Variants in CEP135 observed in about 807,000 individuals in gnomAD.
CEP135 encodes the protein centrosomal protein 135, also known as centrosomal protein of 135 kDa.
A neutral mutation model predicts 157.3 loss-of-function variants in CEP135; 142 were observed. That is an observed-to-expected ratio of 0.90 (90% CI 0.79 to 1.04). The LOEUF is 1.04. CEP135 is among the 50% of genes least tolerant of loss of function. The pLI is 0.00. For missense variants in CEP135, 1,317 were observed against 1,309.2 expected (o/e 1.01, Z -0.09); for synonymous variants, 396 against 439.8 (o/e 0.90, Z 1.25).
rs995257595 is a variant in CEP135 at position 55,999,614 on chromosome 4, T to C, written c.2249T>C (p.Ile750Thr). Residue 750 changes from isoleucine to threonine, a missense_variant, in exon 17 of 26, where the codon ATT becomes ACT. Physicochemically the swap from Ile to Thr is moderately conservative, Grantham distance 89 (BLOSUM62 -1). Transcript: ENST00000257287. The part of the protein sequence containing the change: ...QETVDEKTEK[I>T]ANLQENLANK... ...ACTGTAGATGAGAAGACAGAAAAGA[T>C]TGCAAATTTGCAAGAAAACCTAGCT... 2 of 1,596,144 alleles carry C rather than the reference T, an allele frequency of 1.3e-6. No individual in the cohort carries two copies. The highest frequency in any genetic ancestry group is 8.5e-7 in the Non-Finnish European group (1 of 1,176,158).
intron 5 of CEP135, among the ~76,000 whole-genome samples, chr4:55,957,727 GATGTGTAACTGGATTTGAA>G (rs1386286194): frequency 1.3e-5 from 2 of 152,182 alleles, no homozygotes; most frequent in African/African-American, 4.8e-5. Flanking sequence ...AATATGAAGA[GATGTGTAACTGGATTTGAA>G]ATTCCTTTTT....
rs1728442397 is a variant in CEP135 at position 55,954,238 on chromosome 4, A to G, written c.327A>G (p.Lys109=). Residue 109 remains lysine (K), a synonymous_variant, in exon 4 of 26, where the codon AAA becomes AAG. Coordinates refer to ENST00000257287, the MANE Select transcript of CEP135 (RefSeq NM_025009.5). The part of the protein sequence containing the change: ...HVKELKTSLK[K]CARETADLKF... ...AAGAGTTGAAAACTTCATTGAAGAA[A>G]TGTGCACGTGAAACAGCTGATCTGA... 1.3e-6 allele frequency: 2 copies of G among 1,596,040 alleles called. No individual in the cohort carries two copies. Among genetic ancestry groups the G allele is most frequent in the Non-Finnish European group, 1.7e-6 (2 of 1,173,564 alleles).
intron 21 of CEP135, among the ~76,000 whole-genome samples, chr4:56,017,086 C>CA (rs1391832943): frequency 1.3e-5 from 2 of 151,910 alleles, no homozygotes; most frequent in African/African-American, 2.4e-5. Context: ...TGAGAAATTT[C>CA]AACTGTGGAT....
intron 14 of CEP135, among the ~76,000 whole-genome samples, chr4:55,985,696 C>T (rs1479599760): frequency 4.6e-5 from 7 of 152,038 alleles, no homozygotes; most frequent in African/African-American, 1.4e-4. Context: ...GACCTGACAT[C>T]GTGATCTGCC....
At chr4:55,964,154 A>ATCTCTTG (rs1728770600) in intron 6 of CEP135, 120 bp from the exon 7 acceptor site, 1 of 876,226 alleles carries the variant, frequency 1.1e-6, no homozygotes, top group Admixed American at 2.8e-5. Flanking sequence ...ACAAATATGA[A>ATCTCTTG]TGTTAATCTC....
Position 55,985,353 on chromosome 4 carries a change from C to T in CEP135, c.1852C>T (p.His618Tyr), listed in dbSNP as rs769458148. The T allele has an allele frequency of 4.4e-6, 7 of 1,574,786 alleles. No individual in the cohort carries two copies. In the Admixed American group the frequency reaches 1.0e-4, roughly 23 times the overall value. The change falls in exon 14 of 26, where the codon CAT (histidine) becomes TAT (tyrosine). Residue 618 changes from histidine (H) to tyrosine (Y), a missense_variant. Physicochemically the swap from His to Tyr is moderately conservative, Grantham distance 83. Coordinates refer to ENST00000257287, the MANE Select transcript of CEP135 (RefSeq NM_025009.5). ...KTIEHLTCVN[H>Y]QLESEKYELK... ...TATTGAACATTTGACATGTGTTAAT[C>T]ATCAGGTAATGTATCAAACTGGATT...
chr4:56,023,231 A>G (rs541872342), intron 24 of CEP135, among the ~76,000 whole-genome samples: 16 of 152,094 alleles, frequency 1.1e-4, no homozygotes, highest in Non-Finnish European at 1.8e-4. Context: ...CAAAAAAAAA[A>G]AGAGAGAATT....
intron 23 of CEP135, among the ~76,000 whole-genome samples, chr4:56,020,352 T>C (rs1255393662): frequency 6.6e-6 from 1 of 152,184 alleles, no homozygotes; most frequent in African/African-American, 2.4e-5. Flanking sequence ...TTTTGAAAGG[T>C]ATTAAAAATA....
chr4:55,991,798 A>G, intron 14 of CEP135, 136 bp from the exon 15 acceptor site: 2 of 566,638 alleles, frequency 3.5e-6, no homozygotes, highest in Non-Finnish European at 5.9e-6. Context: ...TAAACTGTAC[A>G]CATGACTTAT....
intron 24 of CEP135, among the ~76,000 whole-genome samples, chr4:56,021,124 G>C (rs1448165263): frequency 6.6e-6 from 1 of 152,114 alleles, no homozygotes. Flanking sequence ...ATTTCAAAGA[G>C]TATAGAGAAG....
chr4:56,007,368 G>A (rs1455469998), intron 17 of CEP135, among the ~76,000 whole-genome samples: 1 of 152,214 alleles, frequency 6.6e-6, no homozygotes, highest in Non-Finnish European at 1.5e-5. Flanking sequence ...TCTGGGATGG[G>A]GGAGGTCCCA....
intron 3 of CEP135, 45 bp downstream of exon 3, chr4:55,953,320 T>C: frequency 1.5e-6 from 2 of 1,325,406 alleles, no homozygotes; most frequent in Non-Finnish European, 2.0e-6. Flanking sequence ...GTCTTTGTCC[T>C]TTTTATTTTA....
At chr4:56,016,093 C>T (rs1013928468) in intron 21 of CEP135, among the ~76,000 whole-genome samples, 3 of 152,172 alleles carry the variant, frequency 2.0e-5, no homozygotes, top group Admixed American at 6.5e-5. Flanking sequence ...AGATACAGTA[C>T]GTACAGAGAA....
intron 22 of CEP135, among the ~76,000 whole-genome samples, chr4:56,018,446 A>G (rs1730858522): frequency 6.6e-6 from 1 of 152,180 alleles, no homozygotes; most frequent in Non-Finnish European, 1.5e-5. Flanking sequence ...ATCCTAATAC[A>G]TTCTTTCTCT....
Position 56,017,784 on chromosome 4 carries a change from T to G in CEP135, c.2939T>G (p.Leu980Arg). The change falls in exon 22 of 26, where the codon CTT (leucine) becomes CGT (arginine). Residue 980 changes from leucine (L) to arginine (R), a missense_variant. By Grantham distance (102) the Leu-to-Arg change is moderately radical. Coordinates refer to ENST00000257287, the MANE Select transcript of CEP135 (RefSeq NM_025009.5). ...VLNDLSSLRELCIKLDSGKDI... is the reference protein window; with the variant it reads ...VLNDLSSLRERCIKLDSGKDI... The stretch of plus-strand genomic sequence containing the variant: ...AATGACTTGTCATCTCTTAGAGAAC[T>G]TTGCATTAAACTTGATTCAGGCAAA... 1 of 1,613,920 alleles carries G rather than the reference T, an allele frequency of 6.2e-7. No individual in the cohort carries two copies. Among genetic ancestry groups the G allele is most frequent in the East Asian group, 2.2e-5 (1 of 44,856 alleles).
intron 6 of CEP135, among the ~76,000 whole-genome samples, chr4:55,961,866 C>T (rs949875647): frequency 6.7e-6 from 1 of 148,792 alleles, no homozygotes; most frequent in Admixed American, 6.8e-5. Context: ...TATTTGTACT[C>T]AGGCTATCTT....
chr4:55,965,085 T>C (rs544539485), intron 7 of CEP135: 2 of 152,622 alleles, frequency 1.3e-5, no homozygotes, highest in South Asian at 4.1e-4. Context: ...ATATGAGCCA[T>C]ATATGTAATT....
At chr4:56,026,591 A>G (rs1731167683) in intron 25 of CEP135, among the ~76,000 whole-genome samples, 1 of 152,216 alleles carries the variant, frequency 6.6e-6, no homozygotes, top group African/African-American at 2.4e-5. Context: ...CCTTCTGTTC[A>G]TAAGCACTTG....
At chr4:56,013,787 T>A (rs1730676372) in intron 21 of CEP135, among the ~76,000 whole-genome samples, 1 of 152,224 alleles carries the variant, frequency 6.6e-6, no homozygotes, top group African/African-American at 2.4e-5. Context: ...GCAGATAGAA[T>A]TATAGCCTCC....
Sources: allele counts gnomAD v4.1 joint callset (sites outside exome capture counted in the v4.1 genomes callset), GRCh38; gene constraint gnomAD v4.1.1; transcripts MANE v1.5; gene names NCBI Gene and HGNC (gene_info 2026-07-23, HGNC 2026-07-21).